The following RUNX2 variants were observed in gnomAD, a reference collection of about 807,000 sequenced individuals.
The protein encoded by RUNX2 is RUNX family transcription factor 2, also known as runt-related transcription factor 2.
Under a neutral mutation model 51.7 loss-of-function variants are expected in RUNX2, and 10 were observed. The observed-to-expected ratio is 0.19, with a 90% CI of 0.12 to 0.33. The LOEUF (loss-of-function observed/expected upper bound fraction) is 0.33. Among genes scored for constraint, RUNX2 ranks in the 10% least tolerant of loss-of-function variants. RUNX2 has a pLI of 1.00. For synonymous variants in RUNX2, 276 were observed against 273.6 expected, an observed-to-expected ratio of 1.01 and a Z score of -0.09; for missense variants, 562 against 691.3, an observed-to-expected ratio of 0.81 and a Z score of 2.10.
At chr6:45,522,304 C>G (rs1441166071) in intron 7 of RUNX2, among the ~76,000 whole-genome samples, 2 of 152,144 alleles carry the variant, frequency 1.3e-5, no homozygotes, top group Non-Finnish European at 2.9e-5. Flanking sequence ...CATTATAGTA[C>G]TAGCCCATGT....
At chr6:45,459,830 G>C (rs554723912) in intron 5 of RUNX2, among the ~76,000 whole-genome samples, 1 of 152,306 alleles carries the variant, frequency 6.6e-6, no homozygotes, top group East Asian at 1.9e-4. Flanking sequence ...GGTCAGTCAG[G>C]CCTTGCTGAT....
At chr6:45,362,133 A>G (rs1794369641) in intron 2 of RUNX2, among the ~76,000 whole-genome samples, 1 of 152,216 alleles carries the variant, frequency 6.6e-6, no homozygotes, top group East Asian at 1.9e-4. Context: ...AATTCAAAAT[A>G]TGGTAAGTTC....
rs1480561518 is a variant in RUNX2, at chr6:45,328,795, C to A, written c.58+11C>A. Reference sequence around the variant, plus strand: ...AAAACTTCTTTTGGGGTAAGTGTTACCATTTTTAAAATCCTGTAAGATATG... The same window carrying A: ...AAAACTTCTTTTGGGGTAAGTGTTAACATTTTTAAAATCCTGTAAGATATG... On this transcript the variant is annotated intron_variant, in intron 2 of 8. Coordinates refer to ENST00000647337, the MANE Select transcript of RUNX2 (RefSeq NM_001024630.4). The A allele has an allele frequency of 3.1e-6, 5 of 1,611,426 alleles. No homozygotes were observed. The South Asian group carries it at 4.4e-5, about 14-fold the overall frequency.
At position 45,506,969 on chromosome 6, in the gene RUNX2, C is replaced by CTT. The variant is rs747344094; in HGVS notation, c.860-5265_860-5264dup. On this transcript the variant is annotated intron_variant, in intron 6 of 8. Coordinates refer to ENST00000647337, the MANE Select transcript of RUNX2 (RefSeq NM_001024630.4). Reference sequence around the variant, plus strand: ...CCGTGCCTGGCAACAGTTTTCTTTCCTTTTTTTTTTTTTGGAAACTTTCTG... The same window carrying CTT: ...CCGTGCCTGGCAACAGTTTTCTTTCCTTTTTTTTTTTTTTTGGAAACTTTCTG... Among the ~76,000 whole-genome samples, 49 of 143,424 alleles carry CTT rather than the reference C, an allele frequency of 3.4e-4. No homozygotes were observed. The East Asian group carries it at 4.0e-3, about 12-fold the overall frequency. The allele number at this position is 143,424 out of a possible 152,430, so 94.1% of individuals were successfully genotyped here.
At chr6:45,345,620 A>G (rs1285160875) in intron 2 of RUNX2, among the ~76,000 whole-genome samples, 1 of 152,110 alleles carries the variant, frequency 6.6e-6, no homozygotes, top group Non-Finnish European at 1.5e-5. Flanking sequence ...AACCTATGCA[A>G]TATCACTTAC....
At chr6:45,506,497 T>A (rs1196336280) in intron 6 of RUNX2, among the ~76,000 whole-genome samples, 1 of 152,214 alleles carries the variant, frequency 6.6e-6, no homozygotes, top group African/African-American at 2.4e-5. Context: ...ACCAGAGGGT[T>A]GTTCATATAT....
intron 7 of RUNX2, among the ~76,000 whole-genome samples, chr6:45,519,790 ATGTGTGTGTGTGTGTGTGTGTG>A (rs35210688): frequency 2.7e-4 from 34 of 124,086 alleles, no homozygotes; most frequent in East Asian, 4.3e-4. Flanking sequence ...ATATATATAT[ATGTGTGTGTGTGTGTGTGTGTG>A]TGTGTGTGTG....
chr6:45,482,863 CTT>C (rs1800153507), intron 5 of RUNX2, among the ~76,000 whole-genome samples: 1 of 152,172 alleles, frequency 6.6e-6, no homozygotes, highest in Non-Finnish European at 1.5e-5. Flanking sequence ...TCTCTTCTCT[CTT>C]GATAAACGCC....
intron 2 of RUNX2, among the ~76,000 whole-genome samples, chr6:45,355,259 G>A (rs1258125680): frequency 2.0e-5 from 3 of 151,590 alleles, no homozygotes; most frequent in Non-Finnish European, 2.9e-5. Context: ...ACCATGCCCA[G>A]CTCCAATAAG....
intron 2 of RUNX2, among the ~76,000 whole-genome samples, chr6:45,400,161 AGGAAGGAAGGAAAGAAGGAGGGAATGAG>A: frequency 7.0e-6 from 1 of 142,006 alleles, no homozygotes; most frequent in Non-Finnish European, 1.6e-5. Flanking sequence ...GAAGGAAAGA[AGGAAGGAAGGAAAGAAGGAGGGAATGAG>A]GGAAGGAAGG....
chr6:45,332,359 T>TA (rs983188820), intron 2 of RUNX2, among the ~76,000 whole-genome samples: 79 of 151,572 alleles, frequency 5.2e-4, no homozygotes, highest in African/African-American at 1.8e-3. Flanking sequence ...TATATATATT[T>TA]AAAAAAAAGG....
chr6:45,508,600 G>A (rs1801051776), intron 6 of RUNX2, among the ~76,000 whole-genome samples: 1 of 152,088 alleles, frequency 6.6e-6, no homozygotes, highest in Admixed American at 6.6e-5. Flanking sequence ...CCTTGAAAGA[G>A]ACTGGCTTGA....
chr6:45,448,352 G>A (rs149227690), intron 5 of RUNX2, among the ~76,000 whole-genome samples: 1 of 152,286 alleles, frequency 6.6e-6, no homozygotes, highest in East Asian at 1.9e-4. Context: ...TTAGATATTG[G>A]TGTCCACACG....
At chr6:45,516,427 T>C (rs1030478839) in intron 7 of RUNX2, among the ~76,000 whole-genome samples, 12 of 152,236 alleles carry the variant, frequency 7.9e-5, no homozygotes, top group Admixed American at 7.2e-4. Flanking sequence ...AGTTGAATTA[T>C]AAAAGTCAGC....
At chr6:45,458,604 A>G (rs899046595) in intron 5 of RUNX2, among the ~76,000 whole-genome samples, 1 of 152,248 alleles carries the variant, frequency 6.6e-6, no homozygotes, top group African/African-American at 2.4e-5. Context: ...TAAATCAACA[A>G]TAAAATTTTG....
At chr6:45,358,341 T>C (rs561825433) in intron 2 of RUNX2, among the ~76,000 whole-genome samples, 4 of 152,300 alleles carry the variant, frequency 2.6e-5, no homozygotes, top group Non-Finnish European at 4.4e-5. Context: ...TTATTTAATA[T>C]ACTCAATAGG....
At chr6:45,440,934 C>T (rs1312519521) in intron 5 of RUNX2, among the ~76,000 whole-genome samples, 1 of 152,158 alleles carries the variant, frequency 6.6e-6, no homozygotes. Context: ...CTGTATTCCA[C>T]TAAAATTTTA....
intron 2 of RUNX2, among the ~76,000 whole-genome samples, chr6:45,394,814 G>T (rs545261347): frequency 6.6e-6 from 1 of 152,258 alleles, no homozygotes; most frequent in African/African-American, 2.4e-5. Flanking sequence ...GGCAGGCGTT[G>T]GTTAAGCAGA....
At chr6:45,440,172 C>T (rs368051539) in intron 5 of RUNX2, among the ~76,000 whole-genome samples, 8 of 152,166 alleles carry the variant, frequency 5.3e-5, no homozygotes, top group South Asian at 2.1e-4. Context: ...GGTGACTTGA[C>T]GAAGTCAGTG....
Sources: gnomAD v4.1 joint callset for allele counts (sites outside exome capture counted in the v4.1 genomes callset) on GRCh38, gnomAD v4.1.1 for gene constraint, MANE v1.5 for transcripts, NCBI Gene and HGNC (gene_info 2026-07-23, HGNC 2026-07-21) for gene names.